Variants in ATP8A2 observed in about 807,000 individuals in gnomAD.
ATP8A2 encodes the protein phospholipid-transporting ATPase IB.
ATP8A2 carries 100 observed loss-of-function variants against 165.6 expected under a neutral mutation model. The ratio of observed to expected loss-of-function variants is 0.60; its 90% CI spans 0.51 to 0.71. The LOEUF is 0.71. ATP8A2 is among the 30% of genes least tolerant of loss of function. The pLI, the probability that ATP8A2 is intolerant of heterozygous loss-of-function variation, is 0.00. For missense variants in ATP8A2, 1,227 were observed against 1,479.5 expected (o/e 0.83, Z 2.80); for synonymous variants, 543 against 548.8 (o/e 0.99, Z 0.15).
At position 25,762,565 on chromosome 13, in the gene ATP8A2, A is replaced by C. The variant is rs769854793; in HGVS notation, c.2385-6481A>C. On this transcript the variant is annotated intron_variant, in intron 25 of 36. Transcript: ENST00000381655. Reference sequence around the variant, plus strand: ...TGCTCCTAGGTCTGTTGTTTATATGAAAGTTAAGATAGTTTTGTTTAAATA... The same window carrying C: ...TGCTCCTAGGTCTGTTGTTTATATGCAAGTTAAGATAGTTTTGTTTAAATA... 1.5e-3 allele frequency among the ~76,000 whole-genome samples: 225 copies of C among 152,272 alleles called. 3 individuals carry two copies. Among genetic ancestry groups the C allele is most frequent in the Non-Finnish European group, 2.8e-3 (191 of 68,032 alleles).
chr13:25,837,842 T>TA (rs1304972649), intron 29 of ATP8A2, among the ~76,000 whole-genome samples: 34 of 151,246 alleles, frequency 2.2e-4, no homozygotes, highest in Admixed American at 1.6e-3. Context: ...CAAAAAAAAA[T>TA]AAAAAAAAGA....
At chr13:25,718,180 G>C (rs912342029) in intron 25 of ATP8A2, among the ~76,000 whole-genome samples, 2 of 151,424 alleles carry the variant, frequency 1.3e-5, no homozygotes, top group African/African-American at 4.9e-5. Context: ...TAATAACATT[G>C]GGAAAATTAG....
chr13:25,619,520 C>T (rs2040914627), intron 24 of ATP8A2, among the ~76,000 whole-genome samples: 1 of 151,896 alleles, frequency 6.6e-6, no homozygotes, highest in Non-Finnish European at 1.5e-5. Flanking sequence ...ATAAAACAAC[C>T]ATGCTATGTT....
chr13:25,884,829 C>T (rs764117736), intron 33 of ATP8A2, among the ~76,000 whole-genome samples: 4 of 152,236 alleles, frequency 2.6e-5, no homozygotes, highest in Non-Finnish European at 5.9e-5. Flanking sequence ...ACTTGCCCTC[C>T]TCCCACGAGC....
chr13:25,458,166 G>A (rs977496525), intron 1 of ATP8A2, among the ~76,000 whole-genome samples: 24 of 152,316 alleles, frequency 1.6e-4, no homozygotes, highest in East Asian at 5.8e-4. Context: ...ACATCAAGAC[G>A]TGTTCATCGT....
At chr13:25,764,645 G>A (rs1201194579) in intron 25 of ATP8A2, among the ~76,000 whole-genome samples, 3 of 152,182 alleles carry the variant, frequency 2.0e-5, no homozygotes, top group Non-Finnish European at 4.4e-5. Flanking sequence ...GGGTGATTCC[G>A]ATGCTCACTT....
At chr13:25,914,018 A>G (rs926607208) in intron 33 of ATP8A2, among the ~76,000 whole-genome samples, 7 of 152,192 alleles carry the variant, frequency 4.6e-5, no homozygotes, top group Non-Finnish European at 1.0e-4. Flanking sequence ...CATTAGACCA[A>G]AAGACACTCT....
chr13:25,829,684 A>G (rs1345390217), intron 28 of ATP8A2, among the ~76,000 whole-genome samples: 3 of 38,348 alleles, frequency 7.8e-5, no homozygotes, highest in African/African-American at 2.8e-4. Context: ...ATATATATAT[A>G]TATATATATA....
At chr13:25,705,540 A>C (rs530386807) in intron 25 of ATP8A2, among the ~76,000 whole-genome samples, 2 of 152,324 alleles carry the variant, frequency 1.3e-5, no homozygotes, top group East Asian at 3.9e-4. Context: ...TTCAGGATAG[A>C]TTCAAAGATA....
intron 16 of ATP8A2, among the ~76,000 whole-genome samples, chr13:25,567,960 C>T (rs1238433090): frequency 2.6e-5 from 4 of 152,182 alleles, no homozygotes; most frequent in East Asian, 1.9e-4. Context: ...TGAGGATTTG[C>T]GGCTGCACAT....
chr13:25,895,135 A>G (rs1280547938), intron 33 of ATP8A2, among the ~76,000 whole-genome samples: 1 of 152,184 alleles, frequency 6.6e-6, no homozygotes, highest in Non-Finnish European at 1.5e-5. Context: ...GAATGCTTCC[A>G]GTTTTTGTCC....
intron 24 of ATP8A2, among the ~76,000 whole-genome samples, chr13:25,624,504 A>G (rs2137475684): frequency 6.6e-6 from 1 of 152,302 alleles, no homozygotes; most frequent in Middle Eastern, 3.4e-3. Context: ...AGTTAACCTT[A>G]ACAAGATACT....
rs1262336471 is a variant in ATP8A2, at chr13:25,839,585, C to G, written c.2917C>G (p.Leu973Val). 1.2e-6 allele frequency: 2 copies of G among 1,613,986 alleles called. No individual in the cohort carries two copies. The highest frequency in any genetic ancestry group is 1.7e-6 in the Non-Finnish European group (2 of 1,179,992). Reference protein sequence around the residue: ...GHCINALVHSLILFWFPMKAL... With the variant: ...GHCINALVHSVILFWFPMKAL... Reference sequence around the variant, plus strand: ...CTGCATCAACGCCTTGGTCCACTCCCTCATCCTCTTCTGGTTTCCCATGAA... The same window carrying G: ...CTGCATCAACGCCTTGGTCCACTCCGTCATCCTCTTCTGGTTTCCCATGAA... The change falls in exon 30 of 37, where the codon CTC becomes GTC. Residue 973 changes from leucine (L) to valine (V), a missense_variant. Transcript: ENST00000381655.
At chr13:26,019,323 G>A (rs1957048079) in intron 36 of ATP8A2, among the ~76,000 whole-genome samples, 1 of 152,200 alleles carries the variant, frequency 6.6e-6, no homozygotes, top group Non-Finnish European at 1.5e-5. Flanking sequence ...CTTGAACCCT[G>A]GAGGCAGAAG....
chr13:25,854,476 G>C (rs2138725755), intron 30 of ATP8A2, among the ~76,000 whole-genome samples: 1 of 152,238 alleles, frequency 6.6e-6, no homozygotes, highest in East Asian at 1.9e-4. Context: ...GCATGCACCA[G>C]CATACCTGGC....
chr13:25,772,319 T>C (rs966210891), intron 26 of ATP8A2, among the ~76,000 whole-genome samples: 5 of 152,142 alleles, frequency 3.3e-5, no homozygotes, highest in African/African-American at 1.2e-4. Flanking sequence ...ACTGTAGTGC[T>C]CAAGTTGAGG....
At chr13:25,465,684 TTTCTTTC>T (rs2035622102) in intron 1 of ATP8A2, among the ~76,000 whole-genome samples, 1 of 13,120 alleles carries the variant, frequency 7.6e-5, no homozygotes, top group African/African-American at 1.9e-4. Context: ...TCTTTCTTTC[TTTCTTTC>T]TTTCTTTCTT....
chr13:25,782,469 T>A (rs1296012393), intron 27 of ATP8A2, among the ~76,000 whole-genome samples: 2 of 152,188 alleles, frequency 1.3e-5, no homozygotes, highest in African/African-American at 4.8e-5. Flanking sequence ...TGGGACATGC[T>A]GCACAGAGTT....
chr13:25,927,388 A>C (rs1954641343), intron 33 of ATP8A2: 1 of 353,014 alleles, frequency 2.8e-6, no homozygotes, highest in Non-Finnish European at 5.7e-6. Context: ...AATGATTCCC[A>C]ATCTCAAAAT....
Sources: allele counts gnomAD v4.1 joint callset (sites outside exome capture counted in the v4.1 genomes callset), GRCh38; gene constraint gnomAD v4.1.1; transcripts MANE v1.5; gene names NCBI Gene and HGNC (gene_info 2026-07-23, HGNC 2026-07-21).